Variants in WDR41 observed in about 807,000 individuals in gnomAD.
WDR41 encodes WD repeat-containing protein 41.
A neutral mutation model predicts 69.3 loss-of-function variants in WDR41; 63 were observed. The observed-to-expected ratio is 0.91, with a 90% CI of 0.74 to 1.12. The LOEUF is 1.12. Ranked by LOEUF, WDR41 falls within the 50% of genes most tolerant of loss-of-function variation. The pLI is 0.00. For missense variants in WDR41, 543 were observed against 534.5 expected, an observed-to-expected ratio of 1.02 and a Z score of -0.16; for synonymous variants, 185 against 192.1, an observed-to-expected ratio of 0.96 and a Z score of 0.31.
intron 1 of WDR41, among the ~76,000 whole-genome samples, chr5:77,593,320 A>G (rs781513108): frequency 6.6e-6 from 1 of 152,184 alleles, no homozygotes; most frequent in Admixed American, 6.5e-5. Flanking sequence ...AGAGAGAGAG[A>G]GGGAAAGAGA....
chr5:77,609,044 G>A lies in WDR41; in HGVS notation c.42+11435C>T, dbSNP rs186031929. ...GAGGGTCCTATGCCCACGGAGTCTCGCTGATTGCTAGCACAGCAGTCTGAG... is the reference window on the plus strand; with the variant it reads ...GAGGGTCCTATGCCCACGGAGTCTCACTGATTGCTAGCACAGCAGTCTGAG... On this transcript the variant is annotated intron_variant, in intron 1 of 5. Coordinates refer to the WDR41 transcript ENST00000509971. Among the ~76,000 whole-genome samples, 475 of 152,262 alleles carry A rather than the reference G, an allele frequency of 3.1e-3. 3 individuals are homozygous for A. Among genetic ancestry groups the A allele is most frequent in the African/African-American group, 0.011 (441 of 41,548 alleles).
chr5:77,480,259 A>G (rs1165389560), intron 2 of WDR41: 2 of 152,024 alleles, frequency 1.3e-5, no homozygotes, highest in Non-Finnish European at 2.9e-5. Flanking sequence ...TGTGGAAGTC[A>G]GTGTGGCGAT....
At position 77,605,285 on chromosome 5, in the gene WDR41, G is replaced by A. The variant is rs545612947; in HGVS notation, c.42+15194C>T. Among the ~76,000 whole-genome samples the A allele has an allele frequency of 2.0e-5, 3 of 152,242 alleles. No homozygotes were observed. The East Asian group carries it at 5.8e-4, about 29-fold the overall frequency. ...CTGTTGTCTGCCCTAAATTCTCAAA[G>A]CCTTCACCACTGACCTTCTCCCTAC... On this transcript the variant is annotated intron_variant, in intron 1 of 5. Coordinates refer to the WDR41 transcript ENST00000509971.
At position 77,585,638 on chromosome 5, in the gene WDR41, C is replaced by T. The variant is rs188190884; in HGVS notation, c.42+34841G>A. Among the ~76,000 whole-genome samples, 746 of 152,268 alleles carry T rather than the reference C, an allele frequency of 4.9e-3. 2 individuals are homozygous for T. Among genetic ancestry groups the T allele is most frequent in the African/African-American group, 0.017 (719 of 41,556 alleles). ...TATACATATACAATGGAATACCACG[C>T]AGCCATAAAAAGGAATGAATTAACA... On this transcript the variant is annotated intron_variant, in intron 1 of 5. Transcript: ENST00000509971.
chr5:77,469,152 A>G (rs1194365946), intron 2 of WDR41, among the ~76,000 whole-genome samples: 1 of 152,180 alleles, frequency 6.6e-6, no homozygotes, highest in Non-Finnish European at 1.5e-5. Flanking sequence ...ACAAAAAACC[A>G]AACACCACAT....
In WDR41 at chr5:77,474,274, A is replaced by G. The variant is rs1182001260; in HGVS notation, c.168-9465T>C. Among the ~76,000 whole-genome samples the G allele has an allele frequency of 5.7e-3, 851 of 149,640 alleles. 3 individuals are homozygous for G. The highest frequency in any genetic ancestry group is 0.01 in the Non-Finnish European group (673 of 67,238). Reference sequence around the variant, plus strand: ...CCCAGGAAGGAGAACATCACACACCAGGGCCTGTTGTGGGGTGGGGGGAGT... The same window carrying G: ...CCCAGGAAGGAGAACATCACACACCGGGGCCTGTTGTGGGGTGGGGGGAGT... On this transcript the variant is annotated intron_variant, in intron 2 of 12. Transcript: ENST00000296679.
intron 8 of WDR41, among the ~76,000 whole-genome samples, chr5:77,445,609 G>C (rs1191345734): frequency 1.3e-5 from 2 of 152,166 alleles, no homozygotes; most frequent in Non-Finnish European, 2.9e-5. Flanking sequence ...GGGATGCAAG[G>C]CTGATTCAAC....
chr5:77,553,972 A>AT (rs1743342930), intron 1 of WDR41, among the ~76,000 whole-genome samples: 1 of 152,250 alleles, frequency 6.6e-6, no homozygotes, highest in African/African-American at 2.4e-5. Context: ...TTATTTTAAC[A>AT]TAAAAACCCA....
At chr5:77,497,384 C>T (rs933375151) in intron 1 of WDR41, among the ~76,000 whole-genome samples, 3 of 152,042 alleles carry the variant, frequency 2.0e-5, no homozygotes, top group Non-Finnish European at 2.9e-5. Context: ...TAAACATCTC[C>T]TACAACTCAA....
At chr5:77,461,687 A>C (rs959890041) in intron 4 of WDR41, among the ~76,000 whole-genome samples, 1 of 152,070 alleles carries the variant, frequency 6.6e-6, no homozygotes, top group Non-Finnish European at 1.5e-5. Flanking sequence ...AATACAAAAA[A>C]ATTAGCCGGA....
Position 77,449,763 on chromosome 5 carries a change from T to C in WDR41, c.694A>G (p.Asn232Asp), listed in dbSNP as rs145099709. Residue 232 changes from asparagine to aspartate, a missense_variant, in exon 8 of 13, where the codon AAT (asparagine) becomes GAT (aspartate). Asn to Asp is a conservative substitution (Grantham distance 23). Transcript: ENST00000296679. The stretch of plus-strand genomic sequence containing the variant: ...TAAATGTACACAATGAGCTTACCAT[T>C]GACATTAATCAATGAGAGAATATTA... ...QDNILSLINV[N>D]DLSFVTGSHV... The C allele has an allele frequency of 3.1e-6, 5 of 1,600,878 alleles. No individual in the cohort carries two copies. In the African/African-American group the frequency reaches 6.7e-5, roughly 21 times the overall value.
chr5:77,456,835 G>A (rs1396862231), intron 5 of WDR41, among the ~76,000 whole-genome samples: 1 of 151,980 alleles, frequency 6.6e-6, no homozygotes, highest in Non-Finnish European at 1.5e-5. Context: ...CCAAATAACT[G>A]GGATTACAGA....
intron 1 of WDR41, among the ~76,000 whole-genome samples, chr5:77,559,857 T>C (rs1352752049): frequency 6.6e-6 from 1 of 152,070 alleles, no homozygotes; most frequent in Non-Finnish European, 1.5e-5. Flanking sequence ...TACCTCTTGG[T>C]CCAGCCAGAT....
chr5:77,585,042 C>T (rs527383950), intron 1 of WDR41, among the ~76,000 whole-genome samples: 1 of 152,064 alleles, frequency 6.6e-6, no homozygotes, highest in South Asian at 2.1e-4. Context: ...AGACAACTCA[C>T]ACAGTGGGAG....
chr5:77,528,913 A>G (rs757886721), intron 1 of WDR41, among the ~76,000 whole-genome samples: 6 of 151,656 alleles, frequency 4.0e-5, no homozygotes, highest in Non-Finnish European at 7.4e-5. Flanking sequence ...TTATTTATTT[A>G]AAAACCTATA....
At position 77,552,896 on chromosome 5, in the gene WDR41, T is replaced by C. The variant is rs79200074; in HGVS notation, c.43-63324A>G. On this transcript the variant is annotated intron_variant, in intron 1 of 5. Transcript: ENST00000509971. ...GCTTTATATAAAAAATGAGCTTAAATTGGATCACAGGCTTAAATGTAAAAC... is the reference window on the plus strand; with the variant it reads ...GCTTTATATAAAAAATGAGCTTAAACTGGATCACAGGCTTAAATGTAAAAC... 9.2e-4 allele frequency among the ~76,000 whole-genome samples: 140 copies of C among 152,326 alleles called. 2 individuals carry two copies. The East Asian group carries it at 0.024, about 27-fold the overall frequency.
chr5:77,565,536 G>T (rs1743608835), intron 1 of WDR41, among the ~76,000 whole-genome samples: 1 of 152,112 alleles, frequency 6.6e-6, no homozygotes, highest in Non-Finnish European at 1.5e-5. Flanking sequence ...AATGAGAGTA[G>T]AAAGGACTAT....
At chr5:77,611,191 C>G (rs369087997) in intron 1 of WDR41, among the ~76,000 whole-genome samples, 6,868 of 151,886 alleles carry the variant, frequency 0.045, 265 homozygotes, top group East Asian at 0.18. Context: ...ACTTAGACTC[C>G]CACACATTAA....
chr5:77,506,962 C>T (rs997009329), intron 1 of WDR41, among the ~76,000 whole-genome samples: 1 of 152,106 alleles, frequency 6.6e-6, no homozygotes. Context: ...GTGCAGCAAA[C>T]CAACATGGCA....
Sources: gnomAD v4.1 joint callset for allele counts (sites outside exome capture counted in the v4.1 genomes callset) on GRCh38, gnomAD v4.1.1 for gene constraint, MANE v1.5 for transcripts, NCBI Gene and HGNC (gene_info 2026-07-23, HGNC 2026-07-21) for gene names.